The following SFSWAP variants were observed in gnomAD, a reference collection of about 807,000 sequenced individuals.
SFSWAP encodes splicing factor, suppressor of white-apricot homolog.
A neutral mutation model predicts 100.7 loss-of-function variants in SFSWAP; 17 were observed. The observed-to-expected ratio is 0.17, with a 90% CI of 0.12 to 0.25. The LOEUF is 0.25. SFSWAP is among the 10% of genes least tolerant of loss of function. The probability of loss-of-function intolerance (pLI) is 1.00; values close to 1 mark genes in which losing one functional copy is unlikely to be tolerated. For missense variants in SFSWAP, 1,005 were observed against 1,262.6 expected, an observed-to-expected ratio of 0.80 and a Z score of 3.09; for synonymous variants, 504 against 510.1, an observed-to-expected ratio of 0.99 and a Z score of 0.16.
chr12:131,768,316 A>G (rs942707989), intron 13 of SFSWAP, among the ~76,000 whole-genome samples: 11 of 152,176 alleles, frequency 7.2e-5, no homozygotes, highest in African/African-American at 1.9e-4. Flanking sequence ...CTTTAATTAT[A>G]TTGACGTTTC....
At position 131,778,167 on chromosome 12, in the gene SFSWAP, C is replaced by T. The variant is rs775124430; in HGVS notation, c.2245C>T (p.Pro749Ser). 1.2e-6 allele frequency: 2 copies of T among 1,613,990 alleles called. No individual in the cohort carries two copies. The highest frequency in any genetic ancestry group is 3.3e-5 in the Admixed American group (2 of 59,990). Residue 749 changes from proline to serine, a missense_variant, in exon 14 of 18, where the codon CCG becomes TCG. Transcript: ENST00000261674. This position sits in a 1 kb window ranked among gnomAD's most constrained non-coding sequence, Gnocchi z 4.2. ...DRPSSKSKDP[P>S]REEEKEKKKK... is the part of the protein sequence containing the mutation. ...GCCTTCGAGCAAAAGCAAAGATCCA[C>T]CGAGAGAAGAAGAGAAAGAAAAGAA... is the stretch of plus-strand genomic sequence containing the variant.
In SFSWAP at chr12:131,794,900, T is replaced by G. The variant is rs1163610260; in HGVS notation, c.2535-2278T>G. ...GTAGCAGAATTGAACCAGTTTGCAG[T>G]TAAGGATTAGTAACCTGCCTTTTGT... On this transcript the variant is annotated intron_variant, in intron 15 of 17. Coordinates refer to ENST00000261674, the MANE Select transcript of SFSWAP (RefSeq NM_004592.4). The surrounding 1 kb of genome is among the most constrained non-coding windows in gnomAD (Gnocchi z 4.8). Among the ~76,000 whole-genome samples the G allele has an allele frequency of 4.6e-5, 7 of 152,210 alleles. No individual in the cohort carries two copies. Among genetic ancestry groups the G allele is most frequent in the African/African-American group, 1.7e-4 (7 of 41,454 alleles).
In SFSWAP at chr12:131,756,540, A is replaced by G. The variant is rs199552168; in HGVS notation, c.1616A>G (p.Asp539Gly). 3.7e-6 allele frequency: 6 copies of G among 1,613,900 alleles called. No homozygotes were observed. Among genetic ancestry groups the G allele is most frequent in the Non-Finnish European group, 4.2e-6 (5 of 1,179,952 alleles). The change falls in exon 11 of 18, where the codon GAT becomes GGT. Residue 539 changes from aspartate to glycine, a missense_variant. This residue lies in a region of SFSWAP where 311 missense variants were observed against 317.8 expected (regional missense o/e 0.98). Transcript: ENST00000261674. ...APEKPSDAGEDGAPEDAAEVG... is the reference protein window; with the variant it reads ...APEKPSDAGEGGAPEDAAEVG... ...GAGAAGCCAAGTGATGCTGGGGAGG[A>G]TGGCGCGCCTGAAGACGCAGCCGAG...
At chr12:131,740,342 C>T (rs1213854341) in intron 7 of SFSWAP, among the ~76,000 whole-genome samples, 3 of 152,272 alleles carry the variant, frequency 2.0e-5, no homozygotes, top group African/African-American at 7.2e-5. Context: ...GTGGAAAGGG[C>T]GAGGCCAGCC....
intron 11 of SFSWAP, among the ~76,000 whole-genome samples, chr12:131,762,185 A>G (rs979774389): frequency 6.6e-6 from 1 of 152,008 alleles, no homozygotes; most frequent in African/African-American, 2.4e-5. Flanking sequence ...GTGAGCTGAG[A>G]TCGCGCCTTT....
intron 7 of SFSWAP, among the ~76,000 whole-genome samples, chr12:131,751,444 C>T (rs1175597112): frequency 6.6e-6 from 1 of 152,174 alleles, no homozygotes; most frequent in East Asian, 1.9e-4. Context: ...AGTAGCCAGT[C>T]GGTAGTGGGG....
chr12:131,719,232 GCACCCCACCTCCCCCCAC>G (rs913787955), intron 3 of SFSWAP, among the ~76,000 whole-genome samples: 8 of 152,148 alleles, frequency 5.3e-5, no homozygotes, highest in Non-Finnish European at 1.0e-4. Flanking sequence ...TCCTTCTGCT[GCACCCCACCTCCCCCCAC>G]CACCCCACCT....
chr12:131,761,574 A>G (rs1415859866), intron 11 of SFSWAP, among the ~76,000 whole-genome samples: 1 of 152,232 alleles, frequency 6.6e-6, no homozygotes, highest in African/African-American at 2.4e-5. Context: ...AACGTGGAGC[A>G]GTGGCCCCGA....
At position 131,797,266 on chromosome 12, in the gene SFSWAP, G is replaced by A; in HGVS notation, c.2623G>A (p.Ala875Thr). The A allele has an allele frequency of 1.2e-6, 2 of 1,612,600 alleles. No individual in the cohort carries two copies. The highest frequency in any genetic ancestry group is 8.5e-7 in the Non-Finnish European group (1 of 1,179,770). Residue 875 changes from alanine (A) to threonine (T), a missense_variant, in exon 16 of 18, where the codon GCA becomes ACA. By Grantham distance (58) the Ala-to-Thr change is moderately conservative. Transcript: ENST00000261674. ...TCAGTCGGTGTCACCCAGCAAGCAG[G>A]CAGCGCCCCGGCCCGCGGCCCCCGC... ...RSQSVSPSKQ[A>T]APRPAAPAAH...
intron 7 of SFSWAP, among the ~76,000 whole-genome samples, chr12:131,738,537 A>G (rs1316521634): frequency 5.9e-5 from 9 of 152,252 alleles, no homozygotes; most frequent in Admixed American, 5.9e-4. Flanking sequence ...CCTGCAATCT[A>G]AAAATGAAGT....
In SFSWAP at chr12:131,786,552, G is replaced by T. The variant is rs773451916; in HGVS notation, c.2498G>T (p.Arg833Leu). 6 of 1,587,872 alleles carry T rather than the reference G, an allele frequency of 3.8e-6. No individual in the cohort carries two copies. The South Asian group carries it at 4.6e-5, about 12-fold the overall frequency. ...GTGCCCACTGCCTACCGCGTGAGCC[G>T]CAGCCCTGGGGCCAGTAGGAAGCGG... ...RSVPTAYRVSRSPGASRKRTR... is the reference protein window; with the variant it reads ...RSVPTAYRVSLSPGASRKRTR... The change falls in exon 15 of 18, where the codon CGC (arginine) becomes CTC (leucine). Residue 833 changes from arginine to leucine, a missense_variant. Transcript: ENST00000261674.
rs1209752724 is a variant in SFSWAP at position 131,785,185 on chromosome 12, G to T, written c.2409-1278G>T. The T allele has an allele frequency of 2.0e-6, 3 of 1,535,702 alleles. No homozygotes were observed. The East Asian group carries it at 7.3e-5, about 38-fold the overall frequency. ...GGCAGCCTCGACCACCACCAGATTT[G>T]ACTCCGCGAGCTCTTTTGAGGGAAA... On this transcript the variant is annotated intron_variant, in intron 14 of 17. Transcript: ENST00000261674.
Position 131,711,118 on chromosome 12 carries a change from T to C in SFSWAP, c.-112T>C, listed in dbSNP as rs1391632237. 2 of 834,374 alleles carry C rather than the reference T, an allele frequency of 2.4e-6. No homozygotes were observed. Among genetic ancestry groups the C allele is most frequent in the Non-Finnish European group, 3.6e-6 (2 of 553,090 alleles). 51.7% of individuals were successfully genotyped at this position (834,374 alleles called of 1,614,324 possible). On this transcript the variant is annotated 5_prime_UTR_variant, in exon 1 of 18. Transcript: ENST00000261674. The surrounding 1 kb of genome is among the most constrained non-coding windows in gnomAD (Gnocchi z 4.9). ...TTGTGGCCCGCTATGGCGGCGGTGT[T>C]GAGGTTGGGTACGGGATGCGGGGTC...
chr12:131,796,903 G>T (rs1251537372), intron 15 of SFSWAP: 2 of 373,000 alleles, frequency 5.4e-6, no homozygotes, highest in Non-Finnish European at 9.6e-6. Context: ...TGCCTGTGGT[G>T]GCTTATCTTA....
intron 4 of SFSWAP, chr12:131,723,429 G>A (rs1017076442): frequency 3.2e-4 from 49 of 152,002 alleles, no homozygotes; most frequent in African/African-American, 1.1e-3. Flanking sequence ...AGCTTATTTT[G>A]GAAGGCTTCC....
rs370212933 is a variant in SFSWAP at position 131,755,404 on chromosome 12, G to A, written c.1473G>A (p.Pro491=). The change falls in exon 10 of 18, where the codon CCG becomes CCA. Residue 491 remains proline (P), a synonymous_variant. Coordinates refer to ENST00000261674, the MANE Select transcript of SFSWAP (RefSeq NM_004592.4). ...TGCTCAGATTTGAGTTCCTGCAGCCGTGGCACCAGTATAATGCTTATTATG... is the reference window on the plus strand; with the variant it reads ...TGCTCAGATTTGAGTTCCTGCAGCCATGGCACCAGTATAATGCTTATTATG... The part of the protein sequence containing the change: ...KNDQRFEFLQ[P]WHQYNAYYEF... 61 of 1,613,610 alleles carry A rather than the reference G, an allele frequency of 3.8e-5. No homozygotes were observed. The South Asian group carries it at 4.8e-4, about 13-fold the overall frequency.
intron 3 of SFSWAP, among the ~76,000 whole-genome samples, chr12:131,717,160 A>G (rs559518607): frequency 2.0e-5 from 3 of 152,180 alleles, no homozygotes; most frequent in Admixed American, 6.5e-5. Context: ...TAACAGCCCC[A>G]TTGAGCGTCA....
intron 7 of SFSWAP, among the ~76,000 whole-genome samples, chr12:131,737,024 A>T (rs1051561989): frequency 6.6e-6 from 1 of 152,216 alleles, no homozygotes; most frequent in Non-Finnish European, 1.5e-5. Flanking sequence ...GAACATAGCC[A>T]CATAGATACT....
At chr12:131,746,337 C>T (rs889411647) in intron 7 of SFSWAP, among the ~76,000 whole-genome samples, 1 of 152,096 alleles carries the variant, frequency 6.6e-6, no homozygotes, top group South Asian at 2.1e-4. Context: ...AGTGTAGACT[C>T]ATGTAATGGT....
Sources: allele counts gnomAD v4.1 joint callset (sites outside exome capture counted in the v4.1 genomes callset), GRCh38; gene constraint gnomAD v4.1.1; regional missense constraint gnomAD v4.1.1; non-coding constraint Gnocchi (gnomAD v3.1); transcripts MANE v1.5; gene names NCBI Gene and HGNC (gene_info 2026-07-23, HGNC 2026-07-21).